The following ELAPOR1 variants were observed in gnomAD, a reference collection of about 807,000 sequenced individuals.
ELAPOR1 encodes the protein endosome/lysosome-associated apoptosis and autophagy regulator 1.
ELAPOR1 carries 77 observed loss-of-function variants against 119.7 expected under a neutral mutation model. The ratio of observed to expected loss-of-function variants is 0.64; its 90% CI spans 0.54 to 0.78. The LOEUF (loss-of-function observed/expected upper bound fraction) is 0.78. ELAPOR1 is among the 30% of genes least tolerant of loss of function. ELAPOR1 has a pLI of 0.00. For synonymous variants in ELAPOR1, 481 were observed against 487.2 expected, an observed-to-expected ratio of 0.99 and a Z score of 0.17; for missense variants, 1,115 against 1,270.4, an observed-to-expected ratio of 0.88 and a Z score of 1.86.
intron 1 of ELAPOR1, among the ~76,000 whole-genome samples, chr1:109,116,215 A>G (rs753780815): frequency 2.0e-5 from 3 of 152,216 alleles, no homozygotes; most frequent in Non-Finnish European, 4.4e-5. Context: ...TCTTGCCACA[A>G]AGTGTAAGCT....
In ELAPOR1 at chr1:109,151,321, TGGGAGGAGGGAGGGA is replaced by T. The variant is rs566790552; in HGVS notation, c.154-10564_154-10550del. On this transcript the variant is annotated intron_variant, in intron 1 of 21. Transcript: ENST00000369939. ...TATTGAGTCAGCAGTCCTAAGGGAGTGGGAGGAGGGAGGGAGGGAGGAGCCCAGCTGCCTTTCCCA... is the reference window on the plus strand; with the variant it reads ...TATTGAGTCAGCAGTCCTAAGGGAGTGGGAGGAGCCCAGCTGCCTTTCCCA... Among the ~76,000 whole-genome samples, 517 of 151,530 alleles carry T rather than the reference TGGGAGGAGGGAGGGA, an allele frequency of 3.4e-3. 5 individuals are homozygous for T. Among genetic ancestry groups the T allele is most frequent in the Admixed American group, 0.025 (382 of 15,194 alleles).
At chr1:109,148,086 C>G (rs1354562805) in intron 1 of ELAPOR1, among the ~76,000 whole-genome samples, 1 of 151,850 alleles carries the variant, frequency 6.6e-6, no homozygotes, top group Admixed American at 6.6e-5. Context: ...ATCCACCCGC[C>G]TCGGCCTCCC....
chr1:109,187,333 G>C, intron 8 of ELAPOR1: 1 of 985,572 alleles, frequency 1.0e-6, no homozygotes, highest in South Asian at 4.7e-5. Flanking sequence ...CCGCAGGGAA[G>C]AGGGCCGAGC....
intron 1 of ELAPOR1, among the ~76,000 whole-genome samples, chr1:109,133,519 A>G (rs1299827433): frequency 6.6e-6 from 1 of 152,222 alleles, no homozygotes; most frequent in Non-Finnish European, 1.5e-5. Flanking sequence ...AGAGAGATTC[A>G]CCAATTAGTT....
At chr1:109,140,098 C>CATTTATTTATTTATTT (rs370169097) in intron 1 of ELAPOR1, among the ~76,000 whole-genome samples, 7,031 of 151,716 alleles carry the variant, frequency 0.046, 198 homozygotes, top group Middle Eastern at 0.11. Flanking sequence ...TAGTATATAT[C>CATTTATTTATTTATTT]ATTTATTTAT....
At chr1:109,201,210 C>T (rs1467951066) in intron 21 of ELAPOR1, 1 of 481,828 alleles carries the variant, frequency 2.1e-6, no homozygotes. Flanking sequence ...TAAGAATCAT[C>T]CCCTACTCCT....
At chr1:109,139,154 C>T (rs552964510) in intron 1 of ELAPOR1, among the ~76,000 whole-genome samples, 73 of 151,820 alleles carry the variant, frequency 4.8e-4, no homozygotes, top group Non-Finnish European at 7.8e-4. Flanking sequence ...AATTAGAGAC[C>T]AGCCTGGGTA....
intron 1 of ELAPOR1, among the ~76,000 whole-genome samples, chr1:109,125,406 T>C (rs948687293): frequency 6.8e-6 from 1 of 148,138 alleles, no homozygotes; most frequent in Non-Finnish European, 1.5e-5. Context: ...TTTTGTTTTG[T>C]TTTGTTTTAA....
intron 1 of ELAPOR1, among the ~76,000 whole-genome samples, chr1:109,161,087 GTC>G (rs1439737103): frequency 6.6e-6 from 1 of 152,144 alleles, no homozygotes; most frequent in East Asian, 1.9e-4. Flanking sequence ...GGAATTCATA[GTC>G]TTTCTGAGTG....
chr1:109,157,084 C>G (rs960558395), intron 1 of ELAPOR1, among the ~76,000 whole-genome samples: 13 of 152,292 alleles, frequency 8.5e-5, no homozygotes, highest in Non-Finnish European at 1.5e-4. Flanking sequence ...CCCCTTGGGC[C>G]TTGTTTGCAA....
chr1:109,178,011 C>CTTTTTTTTTTTTT (rs61317397), intron 7 of ELAPOR1, among the ~76,000 whole-genome samples: 1 of 135,740 alleles, frequency 7.4e-6, no homozygotes, highest in Non-Finnish European at 1.6e-5. Context: ...TTTTTTCTTT[C>CTTTTTTTTTTTTT]TTTTTTTTTT....
At chr1:109,132,637 A>AG (rs113808198) in intron 1 of ELAPOR1, among the ~76,000 whole-genome samples, 2 of 152,314 alleles carry the variant, frequency 1.3e-5, no homozygotes, top group African/African-American at 4.8e-5. Flanking sequence ...TAACTGAGCG[A>AG]GGCCTGAAGA....
At chr1:109,158,572 CCTTT>C (rs759023212) in intron 1 of ELAPOR1, among the ~76,000 whole-genome samples, 1 of 152,072 alleles carries the variant, frequency 6.6e-6, no homozygotes, top group Non-Finnish European at 1.5e-5. Context: ...CTAAACCCTT[CCTTT>C]GTTTTTCTGA....
intron 7 of ELAPOR1, among the ~76,000 whole-genome samples, chr1:109,178,947 A>C (rs893148187): frequency 6.8e-6 from 1 of 146,098 alleles, no homozygotes; most frequent in African/African-American, 2.6e-5. Flanking sequence ...TCTGGGTGAC[A>C]GAATAATACT....
At chr1:109,119,331 T>C (rs1337107004) in intron 1 of ELAPOR1, among the ~76,000 whole-genome samples, 1 of 151,496 alleles carries the variant, frequency 6.6e-6, no homozygotes, top group Non-Finnish European at 1.5e-5. Flanking sequence ...ATTACAGGTG[T>C]GCACCACCAT....
chr1:109,201,961 G>T (rs1654196644), intron 21 of ELAPOR1, among the ~76,000 whole-genome samples: 1 of 152,158 alleles, frequency 6.6e-6, no homozygotes, highest in African/African-American at 2.4e-5. Flanking sequence ...TCAGCTGGGT[G>T]TTGTGGAGCA....
chr1:109,145,408 C>A (rs1236902617), intron 1 of ELAPOR1, among the ~76,000 whole-genome samples: 2 of 152,114 alleles, frequency 1.3e-5, no homozygotes, highest in Non-Finnish European at 2.9e-5. Flanking sequence ...ATAATCCCAG[C>A]ACTTTGGGAG....
intron 1 of ELAPOR1, among the ~76,000 whole-genome samples, chr1:109,146,438 C>G (rs757159198): frequency 3.3e-5 from 5 of 152,164 alleles, no homozygotes; most frequent in Admixed American, 2.0e-4. Flanking sequence ...TCTTTATGAC[C>G]TAGCCTTGGG....
chr1:109,186,002 G>A (rs2101097230), intron 8 of ELAPOR1, among the ~76,000 whole-genome samples: 1 of 152,224 alleles, frequency 6.6e-6, no homozygotes, highest in South Asian at 2.1e-4. Flanking sequence ...TCTTGTTGGG[G>A]AGGGAGTGGA....
Sources: gnomAD v4.1 joint callset for allele counts (sites outside exome capture counted in the v4.1 genomes callset) on GRCh38, gnomAD v4.1.1 for gene constraint, MANE v1.5 for transcripts, NCBI Gene and HGNC (gene_info 2026-07-23, HGNC 2026-07-21) for gene names.